RNF220: variants seen among roughly 807,000 people sequenced by gnomAD.
RNF220 encodes E3 ubiquitin-protein ligase RNF220.
In RNF220, 7 loss-of-function variants were observed where a neutral mutation model predicts 67.1. The ratio of observed to expected loss-of-function variants is 0.10; its 90% confidence interval spans 0.06 to 0.20. RNF220 has a LOEUF of 0.20. Among genes scored for constraint, RNF220 ranks in the 10% least tolerant of loss-of-function variants. The probability of loss-of-function intolerance (pLI) is 1.00; values close to 1 mark genes in which losing one functional copy is unlikely to be tolerated. For synonymous variants in RNF220, 270 were observed against 283.2 expected (o/e 0.95, Z 0.47); for missense variants, 565 against 740.3 (o/e 0.76, Z 2.75).
rs193191519 is a variant in RNF220, at chr1:44,578,731, G to T, written c.626-35434G>T. ...CACAGACCACAGACCCTGATAGTTT[G>T]CCAAGAATGACACCTGCCTATGGTT... On this transcript the variant is annotated intron_variant, in intron 2 of 14. Coordinates refer to ENST00000361799, the MANE Select transcript of RNF220 (RefSeq NM_018150.4). 2.1e-3 allele frequency among the ~76,000 whole-genome samples: 315 copies of T among 152,292 alleles called. 1 individual carries two copies. Among genetic ancestry groups the T allele is most frequent in the African/African-American group, 7.4e-3 (309 of 41,548 alleles).
intron 2 of RNF220, among the ~76,000 whole-genome samples, chr1:44,487,760 A>G (rs2148042106): frequency 6.7e-6 from 1 of 149,888 alleles, no homozygotes; most frequent in South Asian, 2.1e-4. Context: ...CACACCTGTA[A>G]TCCCAGCTAC....
chr1:44,425,965 G>A (rs761005024), intron 2 of RNF220, among the ~76,000 whole-genome samples: 6 of 152,068 alleles, frequency 3.9e-5, no homozygotes, highest in Non-Finnish European at 7.4e-5. Flanking sequence ...CCCTGAGACC[G>A]ACCGCAGCAC....
At chr1:44,444,027 G>A (rs1324738502) in intron 2 of RNF220, among the ~76,000 whole-genome samples, 23 of 152,148 alleles carry the variant, frequency 1.5e-4, no homozygotes. Flanking sequence ...GGAGGTGGAG[G>A]TTGCAGTGAG....
chr1:44,589,390 G>A (rs1276984485), intron 2 of RNF220, among the ~76,000 whole-genome samples: 5 of 152,070 alleles, frequency 3.3e-5, no homozygotes, highest in South Asian at 2.1e-4. Flanking sequence ...CGAGGTGGGC[G>A]GATCATGAGG....
intron 2 of RNF220, among the ~76,000 whole-genome samples, chr1:44,450,158 G>T (rs557971340): frequency 6.6e-6 from 1 of 152,006 alleles, no homozygotes; most frequent in Non-Finnish European, 1.5e-5. Context: ...GCAGTGAGCC[G>T]AGATTGCGCC....
chr1:44,408,314 C>G (rs931577169), intron 1 of RNF220, among the ~76,000 whole-genome samples: 1 of 152,218 alleles, frequency 6.6e-6, no homozygotes, highest in Non-Finnish European at 1.5e-5. Flanking sequence ...GGGCCTGAAC[C>G]CGGGTCCAAA....
intron 2 of RNF220, among the ~76,000 whole-genome samples, chr1:44,537,939 G>A (rs1283381584): frequency 6.6e-6 from 1 of 152,178 alleles, no homozygotes; most frequent in Non-Finnish European, 1.5e-5. Flanking sequence ...CCTTCTCAAG[G>A]CGTAGCTTCT....
In RNF220 at chr1:44,446,183, A is replaced by G. The variant is rs375285671; in HGVS notation, c.625+33461A>G. ...GAGAAAAAAAAGCTGGTTTACATCC[A>G]TCTCATGAAGATGAAATCTTAGGCT... On this transcript the variant is annotated intron_variant, in intron 2 of 14. Transcript: ENST00000361799. Among the ~76,000 whole-genome samples, 87 of 152,372 alleles carry G rather than the reference A, an allele frequency of 5.7e-4. 1 individual carries two copies. The South Asian group carries it at 0.016, about 28-fold the overall frequency.
intron 2 of RNF220, among the ~76,000 whole-genome samples, chr1:44,500,958 A>C (rs1198511492): frequency 6.7e-6 from 1 of 150,326 alleles, no homozygotes; most frequent in African/African-American, 2.4e-5. Context: ...CTGTCCTGTC[A>C]GAGAGTGGGC....
At chr1:44,616,530 G>A (rs902491832) in intron 3 of RNF220, among the ~76,000 whole-genome samples, 17 of 152,110 alleles carry the variant, frequency 1.1e-4, no homozygotes, top group African/African-American at 4.1e-4. Context: ...AAGTGATGAA[G>A]ATAAGATTCA....
intron 2 of RNF220, among the ~76,000 whole-genome samples, chr1:44,500,728 TC>T (rs1170591201): frequency 6.6e-6 from 1 of 152,076 alleles, no homozygotes; most frequent in Non-Finnish European, 1.5e-5. Context: ...CACCTGGGCA[TC>T]CCCCTCCCCA....
chr1:44,481,165 G>A (rs2148021966), intron 2 of RNF220, among the ~76,000 whole-genome samples: 1 of 152,290 alleles, frequency 6.6e-6, no homozygotes, highest in Middle Eastern at 3.4e-3. Context: ...GCATACGCCT[G>A]TAATCCCAGC....
chr1:44,602,891 C>T (rs1416358271), intron 2 of RNF220, among the ~76,000 whole-genome samples: 4 of 152,064 alleles, frequency 2.6e-5, no homozygotes, highest in Non-Finnish European at 5.9e-5. Context: ...AGTCGTCCCT[C>T]CCTGTCGACA....
intron 2 of RNF220, among the ~76,000 whole-genome samples, chr1:44,598,376 T>C (rs1449094788): frequency 2.0e-5 from 3 of 152,220 alleles, no homozygotes; most frequent in African/African-American, 7.2e-5. Context: ...GTTCCTGATT[T>C]AGGGGCTCAG....
In RNF220 at chr1:44,543,210, C is replaced by T. The variant is rs1013657416; in HGVS notation, c.626-70955C>T. On this transcript the variant is annotated intron_variant, in intron 2 of 14. Transcript: ENST00000361799. Reference sequence around the variant, plus strand: ...GCAGAGACCTCCCCGTCAGACCCCCCACCTTCGCCGGCTACCCCCTCCCCC... The same window carrying T: ...GCAGAGACCTCCCCGTCAGACCCCCTACCTTCGCCGGCTACCCCCTCCCCC... Among the ~76,000 whole-genome samples, 5 of 152,248 alleles carry T rather than the reference C, an allele frequency of 3.3e-5. No homozygotes were observed. The South Asian group carries it at 6.2e-4, about 19-fold the overall frequency.
chr1:44,457,801 A>G (rs11211003), intron 2 of RNF220, among the ~76,000 whole-genome samples: 35,045 of 152,126 alleles, frequency 0.23, 4,109 homozygotes, highest in East Asian at 0.28. Flanking sequence ...CACATATACT[A>G]CATATATACT....
At chr1:44,478,443 C>T (rs1655485102) in intron 2 of RNF220, among the ~76,000 whole-genome samples, 1 of 151,950 alleles carries the variant, frequency 6.6e-6, no homozygotes, top group African/African-American at 2.4e-5. Flanking sequence ...GAAGAACTGC[C>T]AGGCGTGGTG....
At chr1:44,509,239 G>A (rs561193270) in intron 2 of RNF220, among the ~76,000 whole-genome samples, 2 of 152,264 alleles carry the variant, frequency 1.3e-5, no homozygotes, top group South Asian at 2.1e-4. Flanking sequence ...CGAGCAACAA[G>A]GAGGATGGTA....
At position 44,649,625 on chromosome 1, in the gene RNF220, C is replaced by A. The variant is rs1210024638; in HGVS notation, c.1446-36C>A. On this transcript the variant is annotated intron_variant, in intron 12 of 14. Coordinates refer to ENST00000361799, the MANE Select transcript of RNF220 (RefSeq NM_018150.4). This position sits in a 1 kb window ranked among gnomAD's most constrained non-coding sequence, Gnocchi z 5.9. ...AGGCTGGAGGTACAGATGAGAGATG[C>A]CAGCCTGCTACCCAACCATGCCTTC... 6.3e-7 allele frequency: 1 copy of A among 1,595,186 alleles called. No homozygotes were observed. Among genetic ancestry groups the A allele is most frequent in the Non-Finnish European group, 8.6e-7 (1 of 1,163,162 alleles).
Sources: gnomAD v4.1 joint callset for allele counts (sites outside exome capture counted in the v4.1 genomes callset) on GRCh38, gnomAD v4.1.1 for gene constraint, Gnocchi (gnomAD v3.1) non-coding constraint, MANE v1.5 for transcripts, NCBI Gene and HGNC (gene_info 2026-07-23, HGNC 2026-07-21) for gene names.